The following DYM variants were observed in gnomAD, a reference collection of about 807,000 sequenced individuals.
DYM encodes dyggve-Melchior-Clausen syndrome protein.
In DYM, 78 loss-of-function variants were observed where a neutral mutation model predicts 93.1. The observed-to-expected ratio is 0.84, with a 90% CI of 0.70 to 1.01. DYM has a LOEUF of 1.01. Ranked by LOEUF, DYM falls within the 50% of genes least tolerant of loss-of-function variation. The probability of loss-of-function intolerance (pLI) is 0.00; values close to 1 mark genes in which losing one functional copy is unlikely to be tolerated. For synonymous variants in DYM, 321 were observed against 319.7 expected (o/e 1.00, Z -0.04); for missense variants, 789 against 845.0 (o/e 0.93, Z 0.82).
In DYM at chr18:49,114,670, C is replaced by CGT. The variant is rs373883570; in HGVS notation, c.1911+4072_1911+4073dup. 12,536 of 611,216 alleles carry CGT rather than the reference C, an allele frequency of 0.021. 1,195 individuals are homozygous for CGT. In the African/African-American group the frequency reaches 0.22, roughly 11 times the overall value. 37.9% of individuals were successfully genotyped at this position (611,216 alleles called of 1,614,324 possible). A position where few individuals can be genotyped will look rare whatever the true frequency, so the allele number is the denominator to read the frequency against. On this transcript the variant is annotated intron_variant, in intron 16 of 17. Coordinates refer to ENST00000675505, the MANE Select transcript of DYM (RefSeq NM_001353214.3). ...AGAGACTTTTTTTTTCTTTTTCTTTCGTGTGTGTGTGTGTGTGTGTTTAAG... is the reference window on the plus strand; with the variant it reads ...AGAGACTTTTTTTTTCTTTTTCTTTCGTGTGTGTGTGTGTGTGTGTGTTTAAG...
At chr18:49,456,310 A>G (rs1423013087) in intron 1 of DYM, among the ~76,000 whole-genome samples, 1 of 152,226 alleles carries the variant, frequency 6.6e-6, no homozygotes, top group Non-Finnish European at 1.5e-5. Context: ...CATATGTTTA[A>G]GCTATTATTT....
At chr18:49,083,871 C>A (rs997510278) in intron 17 of DYM, among the ~76,000 whole-genome samples, 1 of 151,988 alleles carries the variant, frequency 6.6e-6, no homozygotes, top group African/African-American at 2.4e-5. Flanking sequence ...CTTTGGTAAT[C>A]TGTGTCTCTT....
chr18:49,130,144 G>A (rs1379503267), intron 15 of DYM, among the ~76,000 whole-genome samples: 1 of 152,176 alleles, frequency 6.6e-6, no homozygotes, highest in Admixed American at 6.5e-5. Flanking sequence ...CCAGGATTGA[G>A]GCTGGACTAG....
intron 11 of DYM, among the ~76,000 whole-genome samples, chr18:49,263,396 G>A (rs1366392444): frequency 6.6e-6 from 1 of 150,998 alleles, no homozygotes; most frequent in African/African-American, 2.4e-5. Flanking sequence ...TGGGATTACA[G>A]GCGTGAGCCA....
chr18:49,425,731 C>T (rs1055309008), intron 2 of DYM, among the ~76,000 whole-genome samples: 2 of 152,162 alleles, frequency 1.3e-5, no homozygotes, highest in African/African-American at 4.8e-5. Context: ...AAAAAGTAGG[C>T]AAAGGGTATG....
chr18:49,133,247 T>C (rs752192781), intron 15 of DYM, among the ~76,000 whole-genome samples: 1 of 152,206 alleles, frequency 6.6e-6, no homozygotes, highest in Non-Finnish European at 1.5e-5. Flanking sequence ...ACAATTCTAA[T>C]ATTAGAAATT....
At chr18:49,161,055 G>A (rs1481663764) in intron 15 of DYM, among the ~76,000 whole-genome samples, 1 of 149,170 alleles carries the variant, frequency 6.7e-6, no homozygotes, top group African/African-American at 2.5e-5. Context: ...AAAATGTTGT[G>A]ATTTACAAAG....
chr18:49,109,568 T>C (rs1295898863), intron 16 of DYM, among the ~76,000 whole-genome samples: 1 of 152,162 alleles, frequency 6.6e-6, no homozygotes, highest in East Asian at 1.9e-4. Context: ...GAAGAAGAGA[T>C]ATTTCTGGGT....
At chr18:49,100,820 G>A (rs2080061119) in intron 16 of DYM, among the ~76,000 whole-genome samples, 1 of 152,152 alleles carries the variant, frequency 6.6e-6, no homozygotes, top group Non-Finnish European at 1.5e-5. Flanking sequence ...AGACTGGGGT[G>A]GCCCAGGCAA....
intron 6 of DYM, among the ~76,000 whole-genome samples, chr18:49,346,621 G>A (rs2064622206): frequency 6.6e-6 from 1 of 151,886 alleles, no homozygotes; most frequent in Non-Finnish European, 1.5e-5. Context: ...ATTTTTAAAG[G>A]GTGAAAATTT....
intron 1 of DYM, among the ~76,000 whole-genome samples, chr18:49,442,601 A>T (rs1049238944): frequency 1.3e-5 from 2 of 152,096 alleles, no homozygotes; most frequent in African/African-American, 4.8e-5. Flanking sequence ...ATCATAGAAA[A>T]CAGATGATTC....
intron 5 of DYM, among the ~76,000 whole-genome samples, chr18:49,375,997 C>T (rs2067474442): frequency 6.6e-6 from 1 of 152,126 alleles, no homozygotes; most frequent in Admixed American, 6.5e-5. Flanking sequence ...ACTCTTGGGC[C>T]TTCAGACACA....
chr18:49,213,560 C>A (rs1211164379), intron 13 of DYM, among the ~76,000 whole-genome samples: 1 of 152,162 alleles, frequency 6.6e-6, no homozygotes, highest in Non-Finnish European at 1.5e-5. Context: ...AGGCAATCCA[C>A]CCACTTCAGC....
intron 13 of DYM, among the ~76,000 whole-genome samples, chr18:49,220,066 C>T (rs1247087122): frequency 2.6e-5 from 4 of 152,108 alleles, no homozygotes; most frequent in African/African-American, 9.7e-5. Flanking sequence ...TCCCAGGATA[C>T]AAAATCAATG....
At chr18:49,287,893 C>T (rs180871182) in intron 8 of DYM, among the ~76,000 whole-genome samples, 1 of 149,678 alleles carries the variant, frequency 6.7e-6, no homozygotes, top group Non-Finnish European at 1.5e-5. Context: ...CTTGTGGTTA[C>T]TGAGCATTTA....
intron 13 of DYM, among the ~76,000 whole-genome samples, chr18:49,224,720 T>C (rs556983448): frequency 7.2e-5 from 11 of 152,042 alleles, no homozygotes; most frequent in East Asian, 5.8e-4. Context: ...GGCGCCTTGA[T>C]CTAGGACTTC....
chr18:49,285,095 A>G (rs1048685365), intron 9 of DYM, among the ~76,000 whole-genome samples: 1 of 152,078 alleles, frequency 6.6e-6, no homozygotes, highest in East Asian at 1.9e-4. Context: ...CAGACACCAA[A>G]CCTGCCGGTG....
At chr18:49,071,779 C>A (rs1169018180) in intron 17 of DYM, among the ~76,000 whole-genome samples, 4 of 152,326 alleles carry the variant, frequency 2.6e-5, no homozygotes, top group African/African-American at 9.6e-5. Flanking sequence ...TATATATTAA[C>A]TACCATATAT....
chr18:49,388,291 C>T (rs967116572), intron 3 of DYM, among the ~76,000 whole-genome samples: 1 of 151,988 alleles, frequency 6.6e-6, no homozygotes, highest in African/African-American at 2.4e-5. Flanking sequence ...GATAGTGCCA[C>T]TGCACTCTAG....
Sources: allele counts gnomAD v4.1 joint callset (sites outside exome capture counted in the v4.1 genomes callset), GRCh38; gene constraint gnomAD v4.1.1; transcripts MANE v1.5; gene names NCBI Gene and HGNC (gene_info 2026-07-23, HGNC 2026-07-21).